The following TAFA1 variants were observed in gnomAD, a reference collection of about 807,000 sequenced individuals.
The protein encoded by TAFA1 is chemokine-like protein TAFA-1.
Under a neutral mutation model 18.5 loss-of-function variants are expected in TAFA1, and 4 were observed. That is an observed-to-expected ratio of 0.22 (90% CI 0.11 to 0.49). TAFA1 has a LOEUF of 0.49. TAFA1 is among the 20% of genes least tolerant of loss of function. TAFA1 has a pLI of 0.98. For synonymous variants in TAFA1, 56 were observed against 55.2 expected (o/e 1.01, Z -0.06); for missense variants, 147 against 169.0 (o/e 0.87, Z 0.72).
intron 3 of TAFA1, among the ~76,000 whole-genome samples, chr3:68,421,693 G>A (rs1040856860): frequency 8.5e-5 from 13 of 152,126 alleles, no homozygotes; most frequent in Admixed American, 6.6e-4. Flanking sequence ...TTAAGATTGT[G>A]CTGATTTTTT....
Position 68,531,016 on chromosome 3 carries a change from C to CAAAACAA in TAFA1, c.260-7738_260-7737insAACAAAA, listed in dbSNP as rs139878393. On this transcript the variant is annotated intron_variant, in intron 3 of 4. Transcript: ENST00000478136. ...TTAGCATTATAATGATTAACAACAA[C>CAAAACAA]AACAAAACAAAACAAAACAAAACAA... 1.7e-3 allele frequency among the ~76,000 whole-genome samples: 257 copies of CAAAACAA among 147,628 alleles called. 1 individual carries two copies. Among genetic ancestry groups the CAAAACAA allele is most frequent in the Middle Eastern group, 6.8e-3 (2 of 292 alleles).
intron 3 of TAFA1, among the ~76,000 whole-genome samples, chr3:68,423,537 T>C (rs1559663518): frequency 6.6e-6 from 1 of 152,156 alleles, no homozygotes; most frequent in Admixed American, 6.6e-5. Context: ...ACCATGTGGA[T>C]ACTTACAGAA....
chr3:68,442,300 C>T (rs1294532498), intron 3 of TAFA1, among the ~76,000 whole-genome samples: 2 of 152,122 alleles, frequency 1.3e-5, no homozygotes, highest in Admixed American at 6.6e-5. Flanking sequence ...AGAATCCCAA[C>T]GTGGCAAAGG....
chr3:68,329,445 C>G (rs576921586), intron 2 of TAFA1, among the ~76,000 whole-genome samples: 4 of 151,886 alleles, frequency 2.6e-5, no homozygotes, highest in Non-Finnish European at 5.9e-5. Context: ...ATAATCTGTG[C>G]CAGCATATCT....
intron 3 of TAFA1, among the ~76,000 whole-genome samples, chr3:68,474,666 A>C (rs1319236106): frequency 1.3e-5 from 2 of 152,236 alleles, no homozygotes; most frequent in African/African-American, 4.8e-5. Context: ...GTTGTAAATT[A>C]TCTCTCTAAC....
intron 2 of TAFA1, among the ~76,000 whole-genome samples, chr3:68,262,141 A>G (rs1332509598): frequency 6.6e-6 from 1 of 151,470 alleles, no homozygotes; most frequent in Non-Finnish European, 1.5e-5. Context: ...TGACCAAAAT[A>G]CCGTCCAATT....
chr3:68,329,748 C>T (rs2068833412), intron 2 of TAFA1, among the ~76,000 whole-genome samples: 1 of 152,162 alleles, frequency 6.6e-6, no homozygotes, highest in Non-Finnish European at 1.5e-5. Flanking sequence ...ACAGGAGAGA[C>T]AGAGGCAGCC....
chr3:68,087,435 A>G (rs557782333), intron 2 of TAFA1, among the ~76,000 whole-genome samples: 2 of 152,312 alleles, frequency 1.3e-5, no homozygotes, highest in African/African-American at 2.4e-5. Flanking sequence ...ACAAAAATAT[A>G]TAAAAATAGA....
intron 2 of TAFA1, among the ~76,000 whole-genome samples, chr3:68,185,717 C>T (rs1434250752): frequency 6.6e-6 from 1 of 151,800 alleles, no homozygotes; most frequent in Non-Finnish European, 1.5e-5. Flanking sequence ...CCAGACCAGC[C>T]TGGGCAACAT....
chr3:68,401,660 G>T (rs72628615), intron 2 of TAFA1, among the ~76,000 whole-genome samples: 3,826 of 152,254 alleles, frequency 0.025, 77 homozygotes, highest in East Asian at 0.092. Context: ...AAGAATAAAT[G>T]TTCTGCATTT....
chr3:68,449,506 G>A (rs901739042), intron 3 of TAFA1, among the ~76,000 whole-genome samples: 3 of 152,078 alleles, frequency 2.0e-5, no homozygotes, highest in African/African-American at 7.2e-5. Context: ...TTGCAAATTG[G>A]TGACCTAGAA....
chr3:68,465,504 T>C (rs1202964792), intron 3 of TAFA1, among the ~76,000 whole-genome samples: 1 of 152,164 alleles, frequency 6.6e-6, no homozygotes, highest in Non-Finnish European at 1.5e-5. Flanking sequence ...TCTTCATAAT[T>C]GAAAAGTGAA....
At chr3:68,258,542 C>T (rs975184001) in intron 2 of TAFA1, among the ~76,000 whole-genome samples, 2 of 152,106 alleles carry the variant, frequency 1.3e-5, no homozygotes, top group South Asian at 2.1e-4. Flanking sequence ...GACTTTAAGT[C>T]GTTCTATTTA....
At chr3:68,259,920 A>G (rs1436521706) in intron 2 of TAFA1, among the ~76,000 whole-genome samples, 2 of 151,588 alleles carry the variant, frequency 1.3e-5, no homozygotes, top group Non-Finnish European at 1.5e-5. Context: ...CTAATTGAAT[A>G]CCCTTTATTT....
At chr3:68,231,939 G>A (rs773880655) in intron 2 of TAFA1, among the ~76,000 whole-genome samples, 93 of 151,856 alleles carry the variant, frequency 6.1e-4, no homozygotes, top group Non-Finnish European at 1.2e-3. Flanking sequence ...TTTTAGTTGT[G>A]ACCCTTAATA....
intron 2 of TAFA1, among the ~76,000 whole-genome samples, chr3:68,176,811 T>G (rs577358245): frequency 1.8e-3 from 279 of 152,300 alleles, no homozygotes; most frequent in Non-Finnish European, 2.1e-3. Context: ...TCAGCAATTT[T>G]GGGGCTTAAA....
intron 2 of TAFA1, among the ~76,000 whole-genome samples, chr3:68,035,288 A>G (rs1019415458): frequency 6.6e-6 from 1 of 152,104 alleles, no homozygotes; most frequent in African/African-American, 2.4e-5. Context: ...ACTCAGCACA[A>G]ACCTATTTTG....
At chr3:68,120,169 TTCTC>T (rs199917167) in intron 2 of TAFA1, among the ~76,000 whole-genome samples, 18 of 138,252 alleles carry the variant, frequency 1.3e-4, no homozygotes, top group Middle Eastern at 3.5e-3. Flanking sequence ...TTCTCTTTCT[TTCTC>T]TTTCTTTCTT....
intron 2 of TAFA1, among the ~76,000 whole-genome samples, chr3:68,197,297 A>G (rs997770359): frequency 6.6e-6 from 1 of 151,774 alleles, no homozygotes; most frequent in Non-Finnish European, 1.5e-5. Context: ...CCCTGAGTAT[A>G]TAATATTGCT....
Sources: gnomAD v4.1 joint callset for allele counts (sites outside exome capture counted in the v4.1 genomes callset) on GRCh38, gnomAD v4.1.1 for gene constraint, MANE v1.5 for transcripts, NCBI Gene and HGNC (gene_info 2026-07-23, HGNC 2026-07-21) for gene names.